Variants in ITFG1 observed in about 807,000 individuals in gnomAD.
The protein encoded by ITFG1 is T-cell immunomodulatory protein.
Under a neutral mutation model 81.8 loss-of-function variants are expected in ITFG1, and 34 were observed. The ratio of observed to expected loss-of-function variants is 0.42; its 90% CI spans 0.32 to 0.55. The LOEUF (loss-of-function observed/expected upper bound fraction) is 0.55. Ranked by LOEUF, ITFG1 falls within the 20% of genes least tolerant of loss-of-function variation. ITFG1 has a pLI of 0.17. For missense variants in ITFG1, 672 were observed against 755.4 expected (o/e 0.89, Z 1.29); for synonymous variants, 285 against 270.6 (o/e 1.05, Z -0.52).
intron 6 of ITFG1, among the ~76,000 whole-genome samples, chr16:47,396,522 T>TGTGTGTGTGTGTGTGTGTGTGTGTGTG (rs1555514097): frequency 8.3e-6 from 1 of 119,966 alleles, no homozygotes; most frequent in Non-Finnish European, 1.6e-5. Flanking sequence ...CTAATAATTA[T>TGTGTGTGTGTGTGTGTGTGTGTGTGTG]TTTGTGTGTG....
chr16:47,370,798 C>T lies in ITFG1; in HGVS notation c.721-4929G>A, dbSNP rs577314341. Reference sequence around the variant, plus strand: ...AGCCTGCCGGGTCGAGAGGGCAGTGCCAGCCCAGAGGTTGTAAGTGAAACT... The same window carrying T: ...AGCCTGCCGGGTCGAGAGGGCAGTGTCAGCCCAGAGGTTGTAAGTGAAACT... On this transcript the variant is annotated intron_variant, in intron 7 of 17. Transcript: ENST00000320640. Among the ~76,000 whole-genome samples, 65 of 152,362 alleles carry T rather than the reference C, an allele frequency of 4.3e-4. No homozygotes were observed. The South Asian group carries it at 0.013, about 31-fold the overall frequency.
intron 17 of ITFG1, chr16:47,157,493 A>G (rs575051843): frequency 6.6e-6 from 1 of 152,302 alleles, no homozygotes; most frequent in South Asian, 2.1e-4. Flanking sequence ...TAAGCACGCA[A>G]TGTTTATGCT....
At chr16:47,421,960 A>C (rs1179007954) in intron 6 of ITFG1, among the ~76,000 whole-genome samples, 2 of 152,176 alleles carry the variant, frequency 1.3e-5, no homozygotes, top group East Asian at 3.9e-4. Context: ...CAGTTTGCTT[A>C]GAATGATGAT....
chr16:47,437,366 G>C (rs948666085), intron 5 of ITFG1, among the ~76,000 whole-genome samples: 3 of 151,992 alleles, frequency 2.0e-5, no homozygotes, highest in African/African-American at 7.3e-5. Flanking sequence ...TACTCAGGAG[G>C]CTGAGGCAGG....
intron 8 of ITFG1, among the ~76,000 whole-genome samples, chr16:47,356,132 C>T (rs1175828571): frequency 6.6e-6 from 1 of 152,134 alleles, no homozygotes; most frequent in East Asian, 1.9e-4. Context: ...TAGCTATGTG[C>T]CCTTGGTCAA....
intron 10 of ITFG1, among the ~76,000 whole-genome samples, chr16:47,274,926 A>G (rs556365650): frequency 2.0e-5 from 3 of 152,310 alleles, no homozygotes; most frequent in Admixed American, 2.0e-4. Context: ...ACTCTTTAGA[A>G]TTCTATTTCA....
chr16:47,208,312 A>T (rs1965525441), intron 14 of ITFG1, among the ~76,000 whole-genome samples: 1 of 152,202 alleles, frequency 6.6e-6, no homozygotes, highest in Admixed American at 6.5e-5. Flanking sequence ...GACAATAATG[A>T]ACTACATTAC....
chr16:47,191,777 A>C (rs1262165588), intron 14 of ITFG1, among the ~76,000 whole-genome samples: 1 of 152,108 alleles, frequency 6.6e-6, no homozygotes, highest in Non-Finnish European at 1.5e-5. Flanking sequence ...GGCCTGCCCA[A>C]GTGCTGGGAT....
chr16:47,182,170 A>G (rs1256147722), intron 14 of ITFG1, among the ~76,000 whole-genome samples: 1 of 151,608 alleles, frequency 6.6e-6, no homozygotes, highest in Admixed American at 6.6e-5. Context: ...ACATCCAAGA[A>G]TGATCAATTA....
intron 12 of ITFG1, among the ~76,000 whole-genome samples, chr16:47,247,939 A>C (rs2151537687): frequency 6.6e-6 from 1 of 152,298 alleles, no homozygotes; most frequent in African/African-American, 2.4e-5. Flanking sequence ...TGGATGATGC[A>C]TCCTCTCAAT....
intron 5 of ITFG1, among the ~76,000 whole-genome samples, chr16:47,442,405 C>G (rs1969264421): frequency 6.6e-6 from 1 of 151,858 alleles, no homozygotes; most frequent in South Asian, 2.1e-4. Context: ...CCCGCCTTGC[C>G]AAGTCATACA....
chr16:47,375,539 GT>G (rs1013879904), intron 7 of ITFG1, among the ~76,000 whole-genome samples: 10 of 151,860 alleles, frequency 6.6e-5, no homozygotes, highest in African/African-American at 1.2e-4. Flanking sequence ...TTTTAAAATA[GT>G]TTTTTTTCAT....
intron 8 of ITFG1, among the ~76,000 whole-genome samples, chr16:47,360,750 T>C (rs181360628): frequency 6.6e-6 from 1 of 152,274 alleles, no homozygotes; most frequent in East Asian, 1.9e-4. Flanking sequence ...CAAGAAACAA[T>C]TTTAATTTGT....
intron 1 of ITFG1, among the ~76,000 whole-genome samples, chr16:47,460,554 G>T (rs1020319062): frequency 3.9e-5 from 6 of 152,152 alleles, no homozygotes; most frequent in Admixed American, 6.5e-5. Flanking sequence ...TGGGGAGGAG[G>T]GGGTAAGGTG....
At chr16:47,275,297 C>T (rs542353569) in intron 10 of ITFG1, among the ~76,000 whole-genome samples, 1 of 152,216 alleles carries the variant, frequency 6.6e-6, no homozygotes, top group African/African-American at 2.4e-5. Flanking sequence ...TATATTTCTT[C>T]AACTGCTGTT....
chr16:47,167,545 G>A (rs1379983106), intron 14 of ITFG1, among the ~76,000 whole-genome samples: 3 of 151,140 alleles, frequency 2.0e-5, no homozygotes, highest in African/African-American at 7.3e-5. Flanking sequence ...AGCACCTTGC[G>A]ACCCCCACTC....
chr16:47,457,269 C>A (rs1344605257), intron 2 of ITFG1, among the ~76,000 whole-genome samples: 1 of 150,772 alleles, frequency 6.6e-6, no homozygotes, highest in African/African-American at 2.4e-5. Context: ...TGAGATGATG[C>A]CAAGGCACTC....
intron 8 of ITFG1, among the ~76,000 whole-genome samples, chr16:47,330,519 T>C (rs576906126): frequency 6.6e-6 from 1 of 152,066 alleles, no homozygotes; most frequent in Admixed American, 6.6e-5. Context: ...AAACCTAAAC[T>C]ATCAACAGAG....
intron 1 of ITFG1, among the ~76,000 whole-genome samples, chr16:47,460,145 T>C (rs895518704): frequency 6.6e-6 from 1 of 152,236 alleles, no homozygotes; most frequent in Non-Finnish European, 1.5e-5. Flanking sequence ...ACTAAGGTGA[T>C]GACCAAGATG....
Sources: allele counts gnomAD v4.1 joint callset (sites outside exome capture counted in the v4.1 genomes callset), GRCh38; gene constraint gnomAD v4.1.1; transcripts MANE v1.5; gene names NCBI Gene and HGNC (gene_info 2026-07-23, HGNC 2026-07-21).